Variants in FGGY observed in about 807,000 individuals in gnomAD.
FGGY encodes FGGY carbohydrate kinase domain-containing protein.
A neutral mutation model predicts 71.3 loss-of-function variants in FGGY; 72 were observed. The observed-to-expected ratio is 1.01, with a 90% confidence interval of 0.84 to 1.23. FGGY has a LOEUF of 1.23. FGGY is among the 50% of genes most tolerant of loss of function. The pLI is 0.00. For synonymous variants in FGGY, 251 were observed against 250.3 expected (o/e 1.00, Z -0.02); for missense variants, 668 against 682.3 (o/e 0.98, Z 0.23).
intron 6 of FGGY, among the ~76,000 whole-genome samples, chr1:59,478,568 GAGATAC>G (rs1425752824): frequency 6.6e-6 from 1 of 152,204 alleles, no homozygotes; most frequent in Non-Finnish European, 1.5e-5. Flanking sequence ...GTAAGCATTA[GAGATAC>G]AGATACAATA....
intron 5 of FGGY, among the ~76,000 whole-genome samples, chr1:59,447,679 A>AG (rs2071610141): frequency 6.6e-6 from 1 of 152,150 alleles, no homozygotes; most frequent in Non-Finnish European, 1.5e-5. Context: ...TGGTTTTATA[A>AG]GGGGGAAACC....
intron 14 of FGGY, among the ~76,000 whole-genome samples, chr1:59,701,790 G>A (rs1048609888): frequency 5.3e-5 from 8 of 152,056 alleles, no homozygotes; most frequent in Non-Finnish European, 1.0e-4. Context: ...TTAAACCTTG[G>A]GAACAAAGGA....
intron 5 of FGGY, among the ~76,000 whole-genome samples, chr1:59,456,358 T>C (rs1225526062): frequency 6.6e-6 from 1 of 152,184 alleles, no homozygotes; most frequent in African/African-American, 2.4e-5. Context: ...TAATTTCTAA[T>C]TATCTCACAA....
At chr1:59,405,798 A>G (rs2062643155) in intron 5 of FGGY, among the ~76,000 whole-genome samples, 1 of 152,076 alleles carries the variant, frequency 6.6e-6, no homozygotes, top group Non-Finnish European at 1.5e-5. Flanking sequence ...TGTGGGAAAC[A>G]CTTTGAGACT....
chr1:59,305,153 C>G (rs573576761), intron 1 of FGGY, among the ~76,000 whole-genome samples: 3 of 152,172 alleles, frequency 2.0e-5, no homozygotes, highest in Admixed American at 2.0e-4. Context: ...AAAGGAAAAG[C>G]TTTCGGCTTT....
chr1:59,571,923 A>G (rs535935763), intron 8 of FGGY, among the ~76,000 whole-genome samples: 41 of 152,198 alleles, frequency 2.7e-4, no homozygotes, highest in Non-Finnish European at 5.9e-4. Flanking sequence ...ATGCCTACAA[A>G]AGCACTAAGC....
At chr1:59,415,885 T>G (rs1039425412) in intron 5 of FGGY, among the ~76,000 whole-genome samples, 2 of 152,226 alleles carry the variant, frequency 1.3e-5, no homozygotes, top group Non-Finnish European at 2.9e-5. Flanking sequence ...CTTTCTGTTT[T>G]CAAAGCCCTG....
chr1:59,308,376 G>A (rs747157119), intron 1 of FGGY, among the ~76,000 whole-genome samples: 26 of 152,138 alleles, frequency 1.7e-4, no homozygotes, highest in Admixed American at 1.2e-3. Flanking sequence ...ATACAGAGAA[G>A]GTCTTCCTTC....
At chr1:59,611,368 G>A (rs1258245618) in intron 9 of FGGY, among the ~76,000 whole-genome samples, 2 of 152,164 alleles carry the variant, frequency 1.3e-5, no homozygotes, top group African/African-American at 4.8e-5. Context: ...CTGTTCTGCA[G>A]CCTCCACTGG....
At chr1:59,676,782 G>A (rs762845107) in intron 14 of FGGY, among the ~76,000 whole-genome samples, 13 of 152,062 alleles carry the variant, frequency 8.5e-5, no homozygotes, top group South Asian at 2.1e-4. Flanking sequence ...TGTCCTGATC[G>A]TTTTCAGGAG....
At chr1:59,508,638 A>G (rs530126643) in intron 6 of FGGY, among the ~76,000 whole-genome samples, 4 of 152,284 alleles carry the variant, frequency 2.6e-5, no homozygotes, top group Admixed American at 6.5e-5. Flanking sequence ...ACCTATTTCT[A>G]TCATCCTCTC....
At chr1:59,584,536 A>G (rs1248265769) in intron 8 of FGGY, among the ~76,000 whole-genome samples, 1 of 149,974 alleles carries the variant, frequency 6.7e-6, no homozygotes, top group Non-Finnish European at 1.5e-5. Flanking sequence ...AATAAGACCT[A>G]TCTATGACAA....
chr1:59,343,523 C>T (rs1436814615), intron 3 of FGGY, among the ~76,000 whole-genome samples: 2 of 152,182 alleles, frequency 1.3e-5, no homozygotes, highest in Non-Finnish European at 2.9e-5. Context: ...TCCACATTCC[C>T]ATGTCTGGTA....
intron 10 of FGGY, among the ~76,000 whole-genome samples, chr1:59,629,904 CAAT>C (rs1448592211): frequency 6.6e-6 from 1 of 152,088 alleles, no homozygotes; most frequent in Non-Finnish European, 1.5e-5. Flanking sequence ...TGAATTGTGA[CAAT>C]AATGATGATC....
intron 1 of FGGY, among the ~76,000 whole-genome samples, chr1:59,299,584 G>T (rs1006396089): frequency 4.0e-5 from 6 of 150,678 alleles, no homozygotes; most frequent in Non-Finnish European, 8.8e-5. Flanking sequence ...TGCCACAAAA[G>T]AAATAGCACT....
intron 7 of FGGY, among the ~76,000 whole-genome samples, chr1:59,535,442 G>C (rs1354105636): frequency 6.6e-6 from 1 of 152,066 alleles, no homozygotes; most frequent in Admixed American, 6.5e-5. Flanking sequence ...AAGTCAACAA[G>C]GATACCCAGG....
At chr1:59,363,613 T>C (rs2056031273) in intron 4 of FGGY, among the ~76,000 whole-genome samples, 1 of 152,146 alleles carries the variant, frequency 6.6e-6, no homozygotes, top group African/African-American at 2.4e-5. Flanking sequence ...CAGAATGTAG[T>C]GAGGCCCTCT....
chr1:59,727,585 G>T lies in FGGY; in HGVS notation c.1513-30346G>T, dbSNP rs144667043. 3.7e-3 allele frequency among the ~76,000 whole-genome samples: 566 copies of T among 152,272 alleles called. 5 individuals are homozygous for T. Among genetic ancestry groups the T allele is most frequent in the African/African-American group, 0.013 (537 of 41,568 alleles). On this transcript the variant is annotated intron_variant, in intron 14 of 15. Transcript: ENST00000303721. The stretch of plus-strand genomic sequence containing the variant: ...ACAAATAAATGCCAAAACATTTCAT[G>T]CTCATGGATCAGAGCAATCAATATT...
intron 5 of FGGY, among the ~76,000 whole-genome samples, chr1:59,396,125 T>C (rs1480404775): frequency 6.6e-6 from 1 of 152,034 alleles, no homozygotes; most frequent in East Asian, 1.9e-4. Flanking sequence ...ACCAAATAAT[T>C]TGTGTTTTAA....
Sources: allele counts gnomAD v4.1 joint callset (sites outside exome capture counted in the v4.1 genomes callset), GRCh38; gene constraint gnomAD v4.1.1; transcripts MANE v1.5; gene names NCBI Gene and HGNC (gene_info 2026-07-23, HGNC 2026-07-21).